The following TASP1 variants were observed in gnomAD, a reference collection of about 807,000 sequenced individuals.
TASP1 encodes taspase 1, also known as threonine aspartase 1.
A neutral mutation model predicts 56.6 loss-of-function variants in TASP1; 16 were observed. That is an observed-to-expected ratio of 0.28 (90% CI 0.19 to 0.43). The LOEUF is 0.43. TASP1 is among the 20% of genes least tolerant of loss of function. The pLI is 1.00. For synonymous variants in TASP1, 179 were observed against 184.2 expected, an observed-to-expected ratio of 0.97 and a Z score of 0.23; for missense variants, 393 against 511.6, an observed-to-expected ratio of 0.77 and a Z score of 2.24.
intron 8 of TASP1, among the ~76,000 whole-genome samples, chr20:13,554,307 G>C (rs530377766): frequency 6.6e-6 from 1 of 152,228 alleles, no homozygotes; most frequent in Admixed American, 6.5e-5. Context: ...ACCACAGTCA[G>C]GTTTTCCATT....
At chr20:13,141,576 A>C in the TASP1 span, among the ~76,000 whole-genome samples, 3 of 152,182 alleles carry the variant, frequency 2.0e-5, no homozygotes, top group Non-Finnish European at 4.4e-5. Flanking sequence ...ATCTACAAAA[A>C]ATTCCGCCCA....
At chr20:13,620,677 CTT>C (rs1321376386) in intron 4 of TASP1, among the ~76,000 whole-genome samples, 2 of 152,188 alleles carry the variant, frequency 1.3e-5, no homozygotes, top group Admixed American at 6.5e-5. Context: ...CCAGACATGA[CTT>C]AACTGAATAG....
At chr20:13,132,367 G>A in the TASP1 span, among the ~76,000 whole-genome samples, 1 of 151,774 alleles carries the variant, frequency 6.6e-6, no homozygotes, top group Non-Finnish European at 1.5e-5. Flanking sequence ...AGTAGAGACA[G>A]GGTTTCACCA....
At chr20:13,132,090 G>A in the TASP1 span, among the ~76,000 whole-genome samples, 1 of 151,346 alleles carries the variant, frequency 6.6e-6, no homozygotes, top group Non-Finnish European at 1.5e-5. Context: ...CCTTTCTGCT[G>A]AAAATCTGCC....
At chr20:13,340,472 T>A in the TASP1 span, among the ~76,000 whole-genome samples, 1 of 151,346 alleles carries the variant, frequency 6.6e-6, no homozygotes, top group Non-Finnish European at 1.5e-5. Context: ...CCAGTATACA[T>A]TATTCAAGTG....
chr20:13,412,557 C>T (rs542594217), intron 13 of TASP1, among the ~76,000 whole-genome samples: 1 of 152,134 alleles, frequency 6.6e-6, no homozygotes, highest in South Asian at 2.1e-4. Flanking sequence ...TGATAACCCC[C>T]CCTTGTGTAC....
At chr20:13,405,126 T>G (rs1329093046) in intron 13 of TASP1, among the ~76,000 whole-genome samples, 6 of 152,194 alleles carry the variant, frequency 3.9e-5, no homozygotes, top group African/African-American at 1.4e-4. Flanking sequence ...CAACTTCGCC[T>G]GAAAAATTCT....
At chr20:13,162,585 C>T in the TASP1 span, among the ~76,000 whole-genome samples, 1 of 152,160 alleles carries the variant, frequency 6.6e-6, no homozygotes, top group African/African-American at 2.4e-5. Flanking sequence ...TAATATTAGA[C>T]AAATGCACTC....
At chr20:13,588,290 GAAGGAAGGAAGGAAGGAAGAGAAAGAA>G (rs1568618096) in intron 4 of TASP1, among the ~76,000 whole-genome samples, 71 of 125,812 alleles carry the variant, frequency 5.6e-4, no homozygotes, top group Admixed American at 1.2e-3. Flanking sequence ...AGGAAGGAAG[GAAGGAAGGAAGGAAGGAAGAGAAAGAA>G]AAGGAAGGAA....
intron 11 of TASP1, among the ~76,000 whole-genome samples, chr20:13,450,146 A>G (rs2043562597): frequency 6.6e-6 from 1 of 152,126 alleles, no homozygotes; most frequent in Admixed American, 6.6e-5. Flanking sequence ...TGCTATGTCT[A>G]AAAAATGTAA....
chr20:13,160,177 G>A, the TASP1 span: 25 of 1,561,138 alleles, frequency 1.6e-5, no homozygotes, highest in South Asian at 3.0e-4. Context: ...CAGTACCTTG[G>A]ATTCAAAGCA....
chr20:13,528,505 G>A lies in TASP1; in HGVS notation c.802C>T (p.Leu268Phe), dbSNP rs755203301. 6.2e-7 allele frequency: 1 copy of A among 1,608,332 alleles called. No homozygotes were observed. The highest frequency in any genetic ancestry group is 1.1e-5 in the South Asian group (1 of 89,744). ...KHPGRVGQAA[L>F]YGCGCWAENT... is the part of the protein sequence containing the mutation. ...TCAGCCCAGCAGCCACATCCATAAA[G>A]AGCAGCCTGGGGAAAAAAGAAAATA... The change falls in exon 10 of 14, where the codon CTT (leucine) becomes TTT (phenylalanine). Residue 268 changes from leucine to phenylalanine, a missense_variant. Leu to Phe is a conservative substitution (Grantham distance 22, BLOSUM62 0). Transcript: ENST00000337743.
At chr20:13,281,919 CT>C in the TASP1 span, among the ~76,000 whole-genome samples, 2 of 152,160 alleles carry the variant, frequency 1.3e-5, no homozygotes, top group African/African-American at 4.8e-5. Context: ...CAGCCCCTTC[CT>C]TATGTACCAG....
At chr20:13,393,891 G>GT (rs2041395369) in intron 13 of TASP1, among the ~76,000 whole-genome samples, 1 of 151,962 alleles carries the variant, frequency 6.6e-6, no homozygotes, top group South Asian at 2.1e-4. Context: ...AAAAAAAGGT[G>GT]TGGGGGGGAA....
chr20:13,201,266 A>G, the TASP1 span, among the ~76,000 whole-genome samples: 1 of 152,168 alleles, frequency 6.6e-6, no homozygotes. Flanking sequence ...AGGAGTGTTG[A>G]AGGAGCCCTG....
At chr20:13,188,883 C>T in the TASP1 span, among the ~76,000 whole-genome samples, 12 of 152,160 alleles carry the variant, frequency 7.9e-5, no homozygotes, top group Non-Finnish European at 1.2e-4. Context: ...ATAGTATGCA[C>T]CTGTAACAAT....
chr20:13,464,393 T>G (rs2044169094), intron 11 of TASP1, among the ~76,000 whole-genome samples: 1 of 152,170 alleles, frequency 6.6e-6, no homozygotes, highest in Non-Finnish European at 1.5e-5. Flanking sequence ...ATCTTGAACT[T>G]GGACTTCTAG....
chr20:13,475,947 G>C (rs150563483), intron 11 of TASP1, among the ~76,000 whole-genome samples: 2 of 146,728 alleles, frequency 1.4e-5, no homozygotes, highest in Non-Finnish European at 3.0e-5. Flanking sequence ...GTGAAACCCC[G>C]TCTCTACTAA....
intron 11 of TASP1, among the ~76,000 whole-genome samples, chr20:13,445,516 G>C (rs1359509438): frequency 6.6e-6 from 1 of 152,186 alleles, no homozygotes; most frequent in Admixed American, 6.6e-5. Context: ...TCCAGCAACA[G>C]TGATGAGTTG....
Sources: gnomAD v4.1 joint callset for allele counts (sites outside exome capture counted in the v4.1 genomes callset) on GRCh38, gnomAD v4.1.1 for gene constraint, MANE v1.5 for transcripts, NCBI Gene and HGNC (gene_info 2026-07-23, HGNC 2026-07-21) for gene names.